NDUFA9: variants seen among roughly 807,000 people sequenced by gnomAD.
The protein encoded by NDUFA9 is NADH dehydrogenase [ubiquinone] 1 alpha subcomplex subunit 9, mitochondrial.
NDUFA9 carries 23 observed loss-of-function variants against 45.9 expected under a neutral mutation model. The observed-to-expected ratio is 0.50, with a 90% confidence interval of 0.36 to 0.71. NDUFA9 has a LOEUF of 0.71. NDUFA9 is among the 30% of genes least tolerant of loss of function. The pLI, the probability that NDUFA9 is intolerant of heterozygous loss-of-function variation, is 0.00. For synonymous variants in NDUFA9, 176 were observed against 170.5 expected, an observed-to-expected ratio of 1.03 and a Z score of -0.25; for missense variants, 466 against 488.2, an observed-to-expected ratio of 0.95 and a Z score of 0.43.
intron 1 of NDUFA9, 83 bp from the exon 2 acceptor site, chr12:4,654,209 T>C (rs1315061148): frequency 2.4e-5 from 33 of 1,351,258 alleles, no homozygotes; most frequent in Non-Finnish European, 3.4e-5. Flanking sequence ...GTTACAAGTT[T>C]TTAGAGAAAG....
intron 7 of NDUFA9, among the ~76,000 whole-genome samples, 166 bp from the exon 8 acceptor site, chr12:4,669,575 C>T (rs1591546734): frequency 1.3e-5 from 2 of 152,272 alleles, no homozygotes; most frequent in South Asian, 4.1e-4. Context: ...TAGATAATGC[C>T]ATTATTTTAA....
At chr12:4,670,089 A>G (rs1229937938) in intron 8 of NDUFA9, among the ~76,000 whole-genome samples, 10 of 152,280 alleles carry the variant, frequency 6.6e-5, no homozygotes, top group Admixed American at 5.9e-4. Flanking sequence ...GATGTTTTTA[A>G]TATATAAAAG....
intron 1 of NDUFA9, among the ~76,000 whole-genome samples, chr12:4,651,399 C>T (rs957867933): frequency 2.6e-5 from 4 of 151,636 alleles, no homozygotes; most frequent in African/African-American, 9.7e-5. Context: ...AGATGCTTGC[C>T]CATATGTTAT....
At position 4,668,474 on chromosome 12, in the gene NDUFA9, C is replaced by G. The variant is rs765224137; in HGVS notation, c.673C>G (p.Pro225Ala). The G allele has an allele frequency of 3.2e-5, 52 of 1,613,570 alleles. No individual in the cohort carries two copies. The highest frequency in any genetic ancestry group is 4.2e-5 in the Non-Finnish European group (49 of 1,179,642). Reference sequence around the variant, plus strand: ...TCCGCTAGGTATGCATCGGTTTGGTCCTATACCCCTTGGTTCCTTGGGCTG... The same window carrying G: ...TCCGCTAGGTATGCATCGGTTTGGTGCTATACCCCTTGGTTCCTTGGGCTG... ...NSFASMHRFG[P>A]IPLGSLGWKT... Residue 225 changes from proline to alanine, a missense_variant, in exon 7 of 11, where the codon CCT becomes GCT. Pro to Ala is a conservative substitution (Grantham distance 27). Coordinates refer to ENST00000266544, the MANE Select transcript of NDUFA9 (RefSeq NM_005002.5).
At position 4,661,334 on chromosome 12, in the gene NDUFA9, T is replaced by C. The variant is rs564022680; in HGVS notation, c.553-1199T>C. On this transcript the variant is annotated intron_variant, in intron 5 of 10. Coordinates refer to ENST00000266544, the MANE Select transcript of NDUFA9 (RefSeq NM_005002.5). Reference sequence around the variant, plus strand: ...AAGAAAGGGATGTCTGAAATTTGAATACAGTAGAAAATGTTTCAAATTGTC... The same window carrying C: ...AAGAAAGGGATGTCTGAAATTTGAACACAGTAGAAAATGTTTCAAATTGTC... 2.6e-5 allele frequency among the ~76,000 whole-genome samples: 4 copies of C among 152,320 alleles called. No homozygotes were observed. In the East Asian group the frequency reaches 5.8e-4, roughly 22 times the overall value.
At chr12:4,668,814 T>G (rs957176718) in intron 7 of NDUFA9, 1 of 370,796 alleles carries the variant, frequency 2.7e-6, no homozygotes, top group Non-Finnish European at 5.0e-6. Context: ...TGTTCTCAAA[T>G]TGCTTTCAGT....
intron 8 of NDUFA9, among the ~76,000 whole-genome samples, chr12:4,677,463 C>A (rs1945926725): frequency 6.6e-6 from 1 of 152,018 alleles, no homozygotes; most frequent in Non-Finnish European, 1.5e-5. Flanking sequence ...AAGAAAAAAA[C>A]TTCATCAAAA....
intron 8 of NDUFA9, among the ~76,000 whole-genome samples, chr12:4,675,577 C>G (rs557752563): frequency 1.3e-4 from 20 of 152,258 alleles, no homozygotes; most frequent in African/African-American, 4.8e-4. Context: ...GGATAGGTTC[C>G]TGGACACATA....
At chr12:4,671,981 G>A (rs10774257) in intron 8 of NDUFA9, among the ~76,000 whole-genome samples, 30,361 of 152,134 alleles carry the variant, frequency 0.2, 3,470 homozygotes, top group South Asian at 0.46. Context: ...GCTGCAGTCT[G>A]CAGCTGCCAG....
At position 4,662,533 on chromosome 12, in the gene NDUFA9, G is replaced by C; in HGVS notation, c.553G>C (p.Ala185Pro). ...ACAGGTTTGTTTGGTTATTGTTTAG[G>C]CTGTTGGAGAGAAAGTAGTGAGAGA... is the stretch of plus-strand genomic sequence containing the variant. ...KSSSRYLRNK[A>P]VGEKVVRDAF... is the part of the protein sequence containing the mutation. Residue 185 changes from alanine to proline, a missense_variant and splice_region_variant, in exon 6 of 11, where the codon GCT (alanine) becomes CCT (proline). Transcript: ENST00000266544. The C allele has an allele frequency of 3.7e-6, 6 of 1,612,964 alleles. No homozygotes were observed. Among genetic ancestry groups the C allele is most frequent in the Non-Finnish European group, 5.1e-6 (6 of 1,179,032 alleles).
intron 8 of NDUFA9, 87 bp downstream of exon 8, chr12:4,669,904 G>T (rs1043495177): frequency 1.5e-4 from 157 of 1,014,298 alleles, no homozygotes; most frequent in Non-Finnish European, 2.2e-4. Flanking sequence ...TTTATTTGTT[G>T]CACTTTTACA....
intron 1 of NDUFA9, chr12:4,653,541 G>C (rs1235274149): frequency 4.7e-6 from 2 of 427,804 alleles, no homozygotes; most frequent in South Asian, 3.5e-5. Flanking sequence ...CTAGTACCAA[G>C]AACCTCAGTC....
At chr12:4,658,782 G>T (rs374452784) in intron 4 of NDUFA9, among the ~76,000 whole-genome samples, 2 of 152,052 alleles carry the variant, frequency 1.3e-5, no homozygotes, top group Non-Finnish European at 2.9e-5. Context: ...TAGAGACAGG[G>T]TTTTACTGTT....
chr12:4,672,476 T>A (rs920161191), intron 8 of NDUFA9, among the ~76,000 whole-genome samples: 2 of 152,150 alleles, frequency 1.3e-5, no homozygotes, highest in African/African-American at 4.8e-5. Context: ...CAAGCTAAGA[T>A]CTACTGGCTT....
At chr12:4,651,508 TA>T (rs201830079) in intron 1 of NDUFA9, among the ~76,000 whole-genome samples, 2 of 150,946 alleles carry the variant, frequency 1.3e-5, no homozygotes, top group South Asian at 2.1e-4. Context: ...CCATAATTAT[TA>T]AAAAAAAACA....
At chr12:4,685,351 G>A in intron 10 of NDUFA9, 26 bp downstream of exon 10, 1 of 1,597,712 alleles carries the variant, frequency 6.3e-7, no homozygotes, top group Non-Finnish European at 8.6e-7. Flanking sequence ...GAAAGCGTCT[G>A]CCTGGGCAGA....
At chr12:4,670,601 A>G (rs1377097677) in intron 8 of NDUFA9, among the ~76,000 whole-genome samples, 1 of 152,236 alleles carries the variant, frequency 6.6e-6, no homozygotes, top group African/African-American at 2.4e-5. Context: ...GGCATAGAAT[A>G]TACTCCCAGA....
At chr12:4,663,838 G>T (rs1454832048) in intron 6 of NDUFA9, among the ~76,000 whole-genome samples, 1 of 152,144 alleles carries the variant, frequency 6.6e-6, no homozygotes, top group Non-Finnish European at 1.5e-5. Flanking sequence ...GAAGAGTTTT[G>T]AGGTACCTGG....
chr12:4,657,454 G>A, intron 3 of NDUFA9: 1 of 259,634 alleles, frequency 3.9e-6, no homozygotes, highest in Non-Finnish European at 7.4e-6. Context: ...AGGAGTAGTT[G>A]GGTGGACAAA....
Sources: allele counts gnomAD v4.1 joint callset (sites outside exome capture counted in the v4.1 genomes callset), GRCh38; gene constraint gnomAD v4.1.1; transcripts MANE v1.5; gene names NCBI Gene and HGNC (gene_info 2026-07-23, HGNC 2026-07-21).